The following ST7L variants were observed in gnomAD, a reference collection of about 807,000 sequenced individuals.
ST7L encodes the protein suppressor of tumorigenicity 7 protein-like.
ST7L carries 57 observed loss-of-function variants against 72.5 expected under a neutral mutation model. The observed-to-expected ratio is 0.79, with a 90% CI of 0.64 to 0.98. The LOEUF (loss-of-function observed/expected upper bound fraction) is 0.98, where lower values mean the gene tolerates loss of function less well. ST7L is among the 50% of genes least tolerant of loss of function. The pLI, the probability that ST7L is intolerant of heterozygous loss-of-function variation, is 0.00. For missense variants in ST7L, 576 were observed against 672.2 expected, an observed-to-expected ratio of 0.86 and a Z score of 1.58; for synonymous variants, 221 against 240.9, an observed-to-expected ratio of 0.92 and a Z score of 0.77.
At chr1:112,591,133 G>A (rs1003100445) in intron 6 of ST7L, among the ~76,000 whole-genome samples, 5 of 151,794 alleles carry the variant, frequency 3.3e-5, no homozygotes, top group South Asian at 4.2e-4. Context: ...GGGTTTCACC[G>A]TGTTAGCCAG....
chr1:112,522,017 G>A (rs1652907311), downstream of ST7L: 1 of 152,100 alleles, frequency 6.6e-6, no homozygotes, highest in African/African-American at 2.4e-5. Flanking sequence ...ATACGTACCT[G>A]TTCTTTTTTT....
chr1:112,619,636 C>A, upstream of ST7L: 1 of 574,662 alleles, frequency 1.7e-6, no homozygotes, highest in Middle Eastern at 4.7e-4. Context: ...TATTAGACTT[C>A]AAATCACCTA....
chr1:112,577,190 G>C, intron 10 of ST7L, 102 bp from the exon 11 acceptor site: 1 of 644,998 alleles, frequency 1.6e-6, no homozygotes, highest in South Asian at 3.5e-5. Flanking sequence ...AGAAGTTTCT[G>C]GAGATGGCCA....
intron 3 of ST7L, among the ~76,000 whole-genome samples, chr1:112,603,192 G>A (rs1466408730): frequency 6.6e-6 from 1 of 152,174 alleles, no homozygotes; most frequent in East Asian, 1.9e-4. Flanking sequence ...TGTGAGAATG[G>A]TGATGATATT....
At chr1:112,539,106 G>A (rs534798967) in intron 14 of ST7L, 51 of 152,198 alleles carry the variant, frequency 3.4e-4, no homozygotes, top group African/African-American at 1.2e-3. Flanking sequence ...TCCTCTTATT[G>A]GGGGTAGAGT....
chr1:112,619,296 T>C, upstream of ST7L: 1 of 627,744 alleles, frequency 1.6e-6, no homozygotes, highest in Non-Finnish European at 2.8e-6. Context: ...ACCTGTTCTT[T>C]CGTGGGGCAG....
At chr1:112,605,562 T>C (rs555090217) in intron 3 of ST7L, among the ~76,000 whole-genome samples, 4 of 151,324 alleles carry the variant, frequency 2.6e-5, no homozygotes, top group African/African-American at 9.7e-5. Context: ...TGGTGGCGCA[T>C]GCCTGTAATC....
chr1:112,599,408 G>A (rs1463352151), intron 4 of ST7L, among the ~76,000 whole-genome samples: 1 of 151,936 alleles, frequency 6.6e-6, no homozygotes, highest in Non-Finnish European at 1.5e-5. Context: ...CACAGTGCCT[G>A]TACATGGTAC....
At chr1:112,585,511 G>A (rs1258064857) in intron 6 of ST7L, among the ~76,000 whole-genome samples, 1 of 152,168 alleles carries the variant, frequency 6.6e-6, no homozygotes, top group Admixed American at 6.5e-5. Flanking sequence ...GGGAGGCCGA[G>A]GCGGGCGGAT....
At chr1:112,599,323 T>C (rs979382111) in intron 4 of ST7L, among the ~76,000 whole-genome samples, 1 of 151,916 alleles carries the variant, frequency 6.6e-6, no homozygotes, top group Non-Finnish European at 1.5e-5. Context: ...CTTCACAGAA[T>C]GTCACTATCT....
At position 112,610,600 on chromosome 1, in the gene ST7L, A is replaced by C. The variant is rs547202146; in HGVS notation, c.451+241T>G. ...TCTCGTGGTGTCCTCCCACGGTAGA[A>C]GTGGCAAGCAGCTCTCTGGGGTCTC... On this transcript the variant is annotated intron_variant, in intron 3 of 14. Coordinates refer to ENST00000358039, the MANE Select transcript of ST7L (RefSeq NM_017744.5). The C allele has an allele frequency of 2.4e-5, 10 of 408,920 alleles. No individual in the cohort carries two copies. The East Asian group carries it at 4.0e-4, about 16-fold the overall frequency. The allele number at this position is 408,920 out of a possible 1,614,324, so 25.3% of individuals were successfully genotyped here. A position where few individuals can be genotyped will look rare whatever the true frequency, so the allele number is the denominator to read the frequency against.
intron 8 of ST7L, 77 bp from the exon 9 acceptor site, chr1:112,582,183 G>C: frequency 8.6e-7 from 1 of 1,157,270 alleles, no homozygotes; most frequent in Non-Finnish European, 1.3e-6. Context: ...TCATTAAGTA[G>C]AAATTCTTGT....
At chr1:112,567,334 G>GT (rs1324219789) in intron 11 of ST7L, among the ~76,000 whole-genome samples, 1 of 151,632 alleles carries the variant, frequency 6.6e-6, no homozygotes, top group Admixed American at 6.6e-5. Flanking sequence ...TTAATATTGT[G>GT]TTTTTTTATA....
At chr1:112,549,138 G>C (rs920331850) in intron 13 of ST7L, among the ~76,000 whole-genome samples, 4 of 152,038 alleles carry the variant, frequency 2.6e-5, no homozygotes, top group Admixed American at 2.6e-4. Flanking sequence ...CACGCCTGTA[G>C]GCCCAGCACT....
At chr1:112,560,115 C>T (rs1659862128) in intron 11 of ST7L, among the ~76,000 whole-genome samples, 1 of 152,254 alleles carries the variant, frequency 6.6e-6, no homozygotes, top group East Asian at 1.9e-4. Context: ...ATTTTTCGGG[C>T]CAGGCGCAGT....
At chr1:112,536,742 T>C (rs963714879) in intron 14 of ST7L, among the ~76,000 whole-genome samples, 1 of 152,062 alleles carries the variant, frequency 6.6e-6, no homozygotes, top group Non-Finnish European at 1.5e-5. Flanking sequence ...CAGCCAATTA[T>C]GAGTTGCTCA....
chr1:112,520,804 G>A (rs17030446), downstream of ST7L: 5,776 of 409,980 alleles, frequency 0.014, 301 homozygotes, highest in African/African-American at 0.1. Flanking sequence ...ACTAAAGTAC[G>A]TAGTTGAGGC....
At chr1:112,604,453 G>C (rs1011198170) in intron 3 of ST7L, among the ~76,000 whole-genome samples, 1 of 151,976 alleles carries the variant, frequency 6.6e-6, no homozygotes, top group Non-Finnish European at 1.5e-5. Flanking sequence ...TTCATTCTTA[G>C]ACTCAATTCC....
chr1:112,538,931 A>G (rs1655643175), intron 14 of ST7L, among the ~76,000 whole-genome samples: 2 of 152,194 alleles, frequency 1.3e-5, no homozygotes, highest in South Asian at 4.1e-4. Context: ...TCATTTTACA[A>G]CTAAGGGTAG....
Sources: allele counts gnomAD v4.1 joint callset (sites outside exome capture counted in the v4.1 genomes callset), GRCh38; gene constraint gnomAD v4.1.1; transcripts MANE v1.5; gene names NCBI Gene and HGNC (gene_info 2026-07-23, HGNC 2026-07-21).